JPH1: variants seen among roughly 807,000 people sequenced by gnomAD.
The protein encoded by JPH1 is junctophilin-1.
Under a neutral mutation model 53.6 loss-of-function variants are expected in JPH1, and 12 were observed. That is an observed-to-expected ratio of 0.22 (90% CI 0.14 to 0.36). The LOEUF is 0.36. Among genes scored for constraint, JPH1 ranks in the 10% least tolerant of loss-of-function variants. The probability of loss-of-function intolerance (pLI) is 1.00; values close to 1 mark genes in which losing one functional copy is unlikely to be tolerated. For missense variants in JPH1, 808 were observed against 905.5 expected (o/e 0.89, Z 1.38); for synonymous variants, 375 against 363.8 (o/e 1.03, Z -0.35).
chr8:74,285,439 T>C (rs754406604), intron 2 of JPH1, among the ~76,000 whole-genome samples: 40 of 152,206 alleles, frequency 2.6e-4, no homozygotes, highest in Admixed American at 1.6e-3. Context: ...ATCCAATATA[T>C]AGTATATTAT....
intron 3 of JPH1, among the ~76,000 whole-genome samples, chr8:74,254,042 A>G: frequency 6.6e-6 from 1 of 152,142 alleles, no homozygotes; most frequent in Non-Finnish European, 1.5e-5. Flanking sequence ...AACTCATTTT[A>G]TGAGGCCAGC....
chr8:74,254,967 G>A (rs1334111805), intron 3 of JPH1, among the ~76,000 whole-genome samples: 2 of 152,192 alleles, frequency 1.3e-5, no homozygotes, highest in Admixed American at 6.5e-5. Flanking sequence ...TGGGCATACT[G>A]CCCAAGGTAA....
rs1428202484 is a variant in JPH1, at chr8:74,320,813, C to G, written c.379+96G>C. ...CCAGGTGTTTTGGCGGGTTTCCGGACACGTGCGCCCGGCGTCCTCCCCGCT... is the reference window on the plus strand; with the variant it reads ...CCAGGTGTTTTGGCGGGTTTCCGGAGACGTGCGCCCGGCGTCCTCCCCGCT... On this transcript the variant is annotated intron_variant, in intron 1 of 5. Transcript: ENST00000342232. This position sits in a 1 kb window ranked among gnomAD's most constrained non-coding sequence, Gnocchi z 4.4. 7.4e-7 allele frequency: 1 copy of G among 1,350,138 alleles called. No individual in the cohort carries two copies. Among genetic ancestry groups the G allele is most frequent in the South Asian group, 1.7e-5 (1 of 59,246 alleles). 83.6% of individuals were successfully genotyped at this position (1,350,138 alleles called of 1,614,324 possible). A position where few individuals can be genotyped will look rare whatever the true frequency, so the allele number is the denominator to read the frequency against.
intron 1 of JPH1, among the ~76,000 whole-genome samples, chr8:74,318,106 T>C (rs995091422): frequency 6.6e-6 from 1 of 152,182 alleles, no homozygotes; most frequent in Admixed American, 6.5e-5. Context: ...TCAATGAACC[T>C]AGAATAAGAA....
chr8:74,235,494 T>C lies in JPH1; in HGVS notation c.*1557A>G, dbSNP rs1363494715. On this transcript the variant is annotated 3_prime_UTR_variant, in exon 6 of 6. Transcript: ENST00000342232. ...TTCTCCATTGAAAAGGTAGCTAATA[T>C]GGTGTAAAAAAAAAAAAAAATCTGA... 4.7e-5 allele frequency: 3 copies of C among 63,904 alleles called. No individual in the cohort carries two copies. Among genetic ancestry groups the C allele is most frequent in the African/African-American group, 2.6e-4 (3 of 11,712 alleles). The allele number at this position is 63,904 out of a possible 1,614,324, so 4.0% of individuals were successfully genotyped here.
chr8:74,284,769 ATT>A (rs200157164), intron 2 of JPH1, among the ~76,000 whole-genome samples: 2,506 of 120,906 alleles, frequency 0.021, 67 homozygotes, highest in African/African-American at 0.065. Flanking sequence ...GCTAAGCTGC[ATT>A]TTTTTTTTTT....
intron 2 of JPH1, among the ~76,000 whole-genome samples, chr8:74,267,829 A>G (rs145733268): frequency 6.6e-6 from 1 of 152,338 alleles, no homozygotes; most frequent in African/African-American, 2.4e-5. Context: ...ACAGAACAGG[A>G]GAAAATGAAG....
chr8:74,256,958 T>C (rs756057837), intron 3 of JPH1, among the ~76,000 whole-genome samples: 1 of 152,200 alleles, frequency 6.6e-6, no homozygotes, highest in Non-Finnish European at 1.5e-5. Context: ...GACTTTTATA[T>C]CTGAGATATG....
At chr8:74,276,487 T>C (rs1376320418) in intron 2 of JPH1, among the ~76,000 whole-genome samples, 1 of 152,214 alleles carries the variant, frequency 6.6e-6, no homozygotes, top group Non-Finnish European at 1.5e-5. Context: ...GTACTACCAT[T>C]GCAAAAATAT....
At chr8:74,293,986 C>T (rs1586763346) in intron 2 of JPH1, among the ~76,000 whole-genome samples, 1 of 152,280 alleles carries the variant, frequency 6.6e-6, no homozygotes, top group East Asian at 1.9e-4. Context: ...GACCAGGGTC[C>T]CCCTTCACTG....
intron 2 of JPH1, among the ~76,000 whole-genome samples, chr8:74,292,376 C>T (rs150437070): frequency 1.7e-3 from 256 of 152,272 alleles, no homozygotes; most frequent in African/African-American, 5.3e-3. Context: ...CGACATCAAA[C>T]GGCCAATAAG....
At chr8:74,298,914 T>C (rs531791044) in intron 2 of JPH1, among the ~76,000 whole-genome samples, 12 of 152,330 alleles carry the variant, frequency 7.9e-5, no homozygotes, top group African/African-American at 2.4e-4. Context: ...CTACTGGCAA[T>C]GGGAGCCATT....
intron 3 of JPH1, among the ~76,000 whole-genome samples, chr8:74,258,832 G>A (rs567161911): frequency 3.3e-5 from 5 of 152,198 alleles, no homozygotes; most frequent in Non-Finnish European, 7.3e-5. Context: ...GTAGAGGGGA[G>A]GAAGGGTGAG....
rs1450267060 is a variant in JPH1, at chr8:74,237,201, T to C, written c.*15+7A>G. 1.3e-6 allele frequency: 2 copies of C among 1,539,008 alleles called. No homozygotes were observed. The highest frequency in any genetic ancestry group is 1.2e-5 in the South Asian group (1 of 85,584). ...TGATTTTAGATAGAAATTAAGGCGATTCTTACCTTTCCTAATTCCAATCAA... is the reference window on the plus strand; with the variant it reads ...TGATTTTAGATAGAAATTAAGGCGACTCTTACCTTTCCTAATTCCAATCAA... On this transcript the variant is annotated splice_region_variant and intron_variant, in intron 5 of 5. Coordinates refer to ENST00000342232, the MANE Select transcript of JPH1 (RefSeq NM_020647.4).
At chr8:74,249,263 C>T (rs1413749776) in intron 3 of JPH1, among the ~76,000 whole-genome samples, 2 of 152,122 alleles carry the variant, frequency 1.3e-5, no homozygotes, top group Non-Finnish European at 2.9e-5. Context: ...ATATCAAATG[C>T]TTTGTAGCAA....
chr8:74,245,141 A>G lies in JPH1; in HGVS notation c.1293T>C (p.Gly431=). Residue 431 remains glycine, a synonymous_variant, in exon 4 of 6, where the codon GGT becomes GGC. Transcript: ENST00000342232. Reference sequence around the variant, plus strand: ...CTTCTGGATTTTCTTTAGCATCTACACCTTCCTGAAATCTCTGTTTGACGT... The same window carrying G: ...CTTCTGGATTTTCTTTAGCATCTACGCCTTCCTGAAATCTCTGTTTGACGT... The part of the protein sequence containing the change: ...PDYVKQRFQE[G]VDAKENPEEK... The G allele has an allele frequency of 6.2e-7, 1 of 1,600,922 alleles. No individual in the cohort carries two copies. The highest frequency in any genetic ancestry group is 1.1e-5 in the South Asian group (1 of 88,760).
Position 74,315,385 on chromosome 8 carries a change from G to A in JPH1, c.615C>T (p.Gly205=). 3.7e-6 allele frequency: 6 copies of A among 1,612,570 alleles called. No individual in the cohort carries two copies. Among genetic ancestry groups the A allele is most frequent in the Non-Finnish European group, 5.1e-6 (6 of 1,179,926 alleles). The change falls in exon 2 of 6, where the codon GGC becomes GGT. Residue 205 remains glycine, a synonymous_variant. Coordinates refer to ENST00000342232, the MANE Select transcript of JPH1 (RefSeq NM_020647.4). The surrounding 1 kb of genome is among the most constrained non-coding windows in gnomAD (Gnocchi z 6.3). ...LNFHADAELA[G]KKKGGLFRRG... is the part of the protein sequence containing the mutation. ...TCCGGAAGAGGCCGCCCTTCTTCTT[G>A]CCCGCTAGCTCAGCGTCTGCGTGGA...
chr8:74,251,898 A>G (rs1806073899), intron 3 of JPH1, among the ~76,000 whole-genome samples: 1 of 152,216 alleles, frequency 6.6e-6, no homozygotes, highest in South Asian at 2.1e-4. Context: ...AGCTGGAGGC[A>G]TCACGCTACC....
At chr8:74,266,266 A>G (rs930194412) in intron 2 of JPH1, among the ~76,000 whole-genome samples, 3 of 152,068 alleles carry the variant, frequency 2.0e-5, no homozygotes, top group Non-Finnish European at 4.4e-5. Context: ...TGCATTCTAG[A>G]TACTCTTTAT....
Sources: allele counts gnomAD v4.1 joint callset (sites outside exome capture counted in the v4.1 genomes callset), GRCh38; gene constraint gnomAD v4.1.1; non-coding constraint Gnocchi (gnomAD v3.1); transcripts MANE v1.5; gene names NCBI Gene and HGNC (gene_info 2026-07-23, HGNC 2026-07-21).